GRIP1: variants seen among roughly 807,000 people sequenced by gnomAD.
The protein encoded by GRIP1 is glutamate receptor interacting protein 1.
Under a neutral mutation model 129.9 loss-of-function variants are expected in GRIP1, and 45 were observed. The ratio of observed to expected loss-of-function variants is 0.35; its 90% CI spans 0.27 to 0.44. The LOEUF is 0.44. Ranked by LOEUF, GRIP1 falls within the 20% of genes least tolerant of loss-of-function variation. The pLI is 1.00. For synonymous variants in GRIP1, 530 were observed against 520.8 expected (o/e 1.02, Z -0.24); for missense variants, 1,196 against 1,396.8 (o/e 0.86, Z 2.29).
At chr12:66,456,795 T>C (rs986008652) in intron 9 of GRIP1, among the ~76,000 whole-genome samples, 16 of 152,208 alleles carry the variant, frequency 1.1e-4, no homozygotes, top group African/African-American at 3.6e-4. Context: ...CGTTGGTGCA[T>C]GATTCAAGTG....
intron 5 of GRIP1, 53 bp from the exon 6 acceptor site, chr12:66,518,029 A>C (rs2060897162): frequency 1.0e-6 from 1 of 963,598 alleles, no homozygotes; most frequent in Non-Finnish European, 1.7e-6. Context: ...TGGCATTTAA[A>C]AAAAATCACC....
At chr12:66,461,065 C>T (rs1004549363) in intron 9 of GRIP1, among the ~76,000 whole-genome samples, 5 of 152,122 alleles carry the variant, frequency 3.3e-5, no homozygotes, top group African/African-American at 1.2e-4. Context: ...CCCTGCAACA[C>T]AAACGACATC....
chr12:66,406,119 A>T (rs1024888728), intron 16 of GRIP1, among the ~76,000 whole-genome samples, 164 bp downstream of exon 16: 14 of 152,352 alleles, frequency 9.2e-5, no homozygotes, highest in Non-Finnish European at 1.6e-4. Flanking sequence ...ATTATTTAAA[A>T]TTTGTACTAC....
chr12:66,556,950 A>G (rs1242044987), intron 2 of GRIP1, among the ~76,000 whole-genome samples: 1 of 152,098 alleles, frequency 6.6e-6, no homozygotes, highest in Non-Finnish European at 1.5e-5. Flanking sequence ...AAAACTAATA[A>G]CAAAATGGCA....
chr12:66,378,778 ATAAAAT>A (rs1368198875), intron 20 of GRIP1, among the ~76,000 whole-genome samples: 1 of 151,816 alleles, frequency 6.6e-6, no homozygotes, highest in African/African-American at 2.4e-5. Context: ...GTAATACAAT[ATAAAAT>A]TAAAAAACAA....
intron 1 of GRIP1, among the ~76,000 whole-genome samples, chr12:66,956,985 T>G (rs948032738): frequency 6.6e-6 from 1 of 152,200 alleles, no homozygotes; most frequent in Non-Finnish European, 1.5e-5. Flanking sequence ...TATTTTTAAC[T>G]TCTTCCTCTG....
intron 7 of GRIP1, among the ~76,000 whole-genome samples, chr12:66,481,308 A>C (rs1158609189): frequency 4.6e-5 from 7 of 152,194 alleles, no homozygotes; most frequent in Admixed American, 3.9e-4. Flanking sequence ...GACACTTCTC[A>C]AAAGAAGACA....
At chr12:66,413,572 G>A (rs112478417) in intron 15 of GRIP1, among the ~76,000 whole-genome samples, 15 of 152,304 alleles carry the variant, frequency 9.8e-5, no homozygotes, top group African/African-American at 3.4e-4. Flanking sequence ...TTGAAAAGGT[G>A]GGACTTCTCC....
At chr12:67,067,497 T>C (rs141581228) in intron 1 of GRIP1, among the ~76,000 whole-genome samples, 29 of 152,300 alleles carry the variant, frequency 1.9e-4, no homozygotes, top group Non-Finnish European at 1.5e-5. Context: ...ACTTTAAAGA[T>C]ATGATTTACT....
intron 1 of GRIP1, among the ~76,000 whole-genome samples, chr12:67,048,685 C>T (rs1345302064): frequency 6.6e-6 from 1 of 152,132 alleles, no homozygotes; most frequent in Non-Finnish European, 1.5e-5. Context: ...ATGGGAGAAA[C>T]CCGAAGGCAG....
intron 10 of GRIP1, among the ~76,000 whole-genome samples, chr12:66,455,961 G>C (rs931280164): frequency 6.6e-6 from 1 of 152,070 alleles, no homozygotes; most frequent in Non-Finnish European, 1.5e-5. Context: ...ATTCTGAATT[G>C]TTACTTCCTG....
intron 1 of GRIP1, among the ~76,000 whole-genome samples, chr12:66,704,937 T>C (rs1263338920): frequency 6.6e-6 from 1 of 152,064 alleles, no homozygotes; most frequent in Non-Finnish European, 1.5e-5. Context: ...TCATGCATCT[T>C]ATTATGCTTG....
chr12:66,383,798 A>G (rs1023115026), intron 19 of GRIP1, among the ~76,000 whole-genome samples: 1 of 152,238 alleles, frequency 6.6e-6, no homozygotes. Context: ...TGCTCAGACT[A>G]AAACTATACT....
chr12:66,587,920 T>C (rs11176294), intron 2 of GRIP1, among the ~76,000 whole-genome samples: 37,436 of 152,018 alleles, frequency 0.25, 4,736 homozygotes, highest in Admixed American at 0.28. Context: ...ATAACATCTG[T>C]TTAATGTGTA....
At chr12:66,782,810 C>T (rs903779530) in intron 1 of GRIP1, among the ~76,000 whole-genome samples, 2 of 152,118 alleles carry the variant, frequency 1.3e-5, no homozygotes, top group African/African-American at 4.8e-5. Context: ...CTCCTCTCCA[C>T]AAGAGATGAT....
At chr12:66,687,025 C>T (rs1482713846) in intron 1 of GRIP1, among the ~76,000 whole-genome samples, 2 of 152,134 alleles carry the variant, frequency 1.3e-5, no homozygotes, top group African/African-American at 2.4e-5. Flanking sequence ...TGTGCCACTG[C>T]ACTCCAGCCT....
chr12:66,996,111 G>A (rs949028597), intron 1 of GRIP1, among the ~76,000 whole-genome samples: 1 of 152,010 alleles, frequency 6.6e-6, no homozygotes, highest in African/African-American at 2.4e-5. Context: ...ACAGAAAGTA[G>A]ATCAGTAGTT....
chr12:66,701,087 T>C (rs565922573), intron 1 of GRIP1, among the ~76,000 whole-genome samples: 4 of 152,292 alleles, frequency 2.6e-5, no homozygotes, highest in South Asian at 2.1e-4. Flanking sequence ...TTGGAATTCA[T>C]ATCTAGGTAG....
chr12:66,659,347 A>G (rs982939423), intron 1 of GRIP1, among the ~76,000 whole-genome samples: 4 of 152,222 alleles, frequency 2.6e-5, no homozygotes, highest in African/African-American at 9.6e-5. Context: ...GGCCTATTTT[A>G]TTTGCTGCTG....
Sources: gnomAD v4.1 joint callset for allele counts (sites outside exome capture counted in the v4.1 genomes callset) on GRCh38, gnomAD v4.1.1 for gene constraint, MANE v1.5 for transcripts, NCBI Gene and HGNC (gene_info 2026-07-23, HGNC 2026-07-21) for gene names.